Variants in MARCO observed in about 807,000 individuals in gnomAD.
MARCO encodes macrophage receptor with collagenous structure, also known as macrophage receptor MARCO.
A neutral mutation model predicts 70.0 loss-of-function variants in MARCO; 72 were observed. The observed-to-expected ratio is 1.03, with a 90% CI of 0.85 to 1.25. The LOEUF is 1.25. Among genes scored for constraint, MARCO ranks in the 50% most tolerant of loss-of-function variants. The pLI is 0.00. For synonymous variants in MARCO, 273 were observed against 243.1 expected, an observed-to-expected ratio of 1.12 and a Z score of -1.14; for missense variants, 696 against 659.3, an observed-to-expected ratio of 1.06 and a Z score of -0.61.
intron 1 of MARCO, among the ~76,000 whole-genome samples, chr2:118,955,781 G>A (rs1679825272): frequency 6.6e-6 from 1 of 152,112 alleles, no homozygotes. Flanking sequence ...AAGCTAGAAG[G>A]GATTGGGGCC....
intron 12 of MARCO, among the ~76,000 whole-genome samples, chr2:118,987,132 A>G (rs1311101349): frequency 2.0e-5 from 3 of 152,212 alleles, no homozygotes. Flanking sequence ...TTGGGAGAAT[A>G]TTATTTCTGT....
In MARCO at chr2:118,974,411, A is replaced by C; in HGVS notation, c.539A>C (p.Lys180Thr). The C allele has an allele frequency of 6.2e-7, 1 of 1,612,872 alleles. No homozygotes were observed. The highest frequency in any genetic ancestry group is 8.5e-7 in the Non-Finnish European group (1 of 1,179,618). Reference protein sequence around the residue: ...PPGPPAEKGAKGAMGRDGATG... With the variant: ...PPGPPAEKGATGAMGRDGATG... ...GGACCACCTGCTGAGAAGGGAGCCAAGGGGGCTATGGGACGAGATGGAGCA... is the reference window on the plus strand; with the variant it reads ...GGACCACCTGCTGAGAAGGGAGCCACGGGGGCTATGGGACGAGATGGAGCA... The change falls in exon 5 of 17, where the codon AAG (lysine) becomes ACG (threonine). Residue 180 changes from lysine (K) to threonine (T), a missense_variant. Around this residue, in one of 3 missense-constraint regions of MARCO, gnomAD observed 605 missense variants for 537.6 expected, o/e 1.13. Coordinates refer to ENST00000327097, the MANE Select transcript of MARCO (RefSeq NM_006770.4).
intron 16 of MARCO, among the ~76,000 whole-genome samples, chr2:118,993,636 G>T (rs1199479660): frequency 6.6e-6 from 1 of 152,212 alleles, no homozygotes; most frequent in African/African-American, 2.4e-5. Context: ...GCAACTGGAA[G>T]AACAGAGAGA....
intron 1 of MARCO, among the ~76,000 whole-genome samples, chr2:118,956,118 T>C (rs968544468): frequency 2.0e-5 from 3 of 152,180 alleles, no homozygotes; most frequent in Admixed American, 6.5e-5. Context: ...AAAAGCATGA[T>C]GAATGCAATG....
chr2:118,988,686 G>A (rs1255183820), intron 12 of MARCO, among the ~76,000 whole-genome samples: 5 of 152,090 alleles, frequency 3.3e-5, no homozygotes, highest in South Asian at 4.1e-4. Context: ...CCATCTTGGC[G>A]TATGCTGTTC....
intron 1 of MARCO, among the ~76,000 whole-genome samples, chr2:118,947,970 T>C (rs1165044491): frequency 6.6e-6 from 1 of 152,206 alleles, no homozygotes; most frequent in Non-Finnish European, 1.5e-5. Flanking sequence ...TCCATGCACA[T>C]CTCTCCATTT....
chr2:118,943,810 TGGA>T (rs1679547418), intron 1 of MARCO, among the ~76,000 whole-genome samples: 1 of 152,216 alleles, frequency 6.6e-6, no homozygotes, highest in South Asian at 2.1e-4. Flanking sequence ...GGACTGAGGC[TGGA>T]ACCAAAAAAT....
At chr2:118,972,943 GCTCT>G (rs1023734281) in intron 4 of MARCO, among the ~76,000 whole-genome samples, 1 of 151,358 alleles carries the variant, frequency 6.6e-6, no homozygotes, top group East Asian at 1.9e-4. Context: ...GGCTTCTATG[GCTCT>G]CTCTCTCTCT....
chr2:118,993,253 G>T lies in MARCO; in HGVS notation c.1382G>T (p.Arg461Leu). Residue 461 changes from arginine (R) to leucine (L), a missense_variant, in exon 16 of 17, where the codon CGC (arginine) becomes CTC (leucine). Arg to Leu is a moderately radical substitution (Grantham distance 102). Around this residue, in one of 3 missense-constraint regions of MARCO, gnomAD observed 33 missense variants for 59.6 expected, o/e 0.55. Transcript: ENST00000327097. ...WQNSDAIVFC[R>L]MLGYSKGRAL... ...AATTCTGATGCCATTGTCTTCTGCC[G>T]CATGCTGGGTTACTCCAAAGGAAGG... is the stretch of plus-strand genomic sequence containing the variant. The T allele has an allele frequency of 6.2e-7, 1 of 1,614,114 alleles. No individual in the cohort carries two copies. The highest frequency in any genetic ancestry group is 2.2e-5 in the East Asian group (1 of 44,868).
chr2:118,963,301 T>A (rs1679983476), intron 1 of MARCO, among the ~76,000 whole-genome samples: 1 of 147,576 alleles, frequency 6.8e-6, no homozygotes, highest in African/African-American at 2.6e-5. Flanking sequence ...TTCATTTCCT[T>A]TCATTTGTAT....
At position 118,970,142 on chromosome 2, in the gene MARCO, C is replaced by T. The variant is rs771102391; in HGVS notation, c.228C>T (p.Val76=). The T allele has an allele frequency of 3.1e-6, 5 of 1,614,128 alleles. No individual in the cohort carries two copies. In the South Asian group the frequency reaches 4.4e-5, roughly 14 times the overall value. Residue 76 remains valine (V), a synonymous_variant, in exon 3 of 17, where the codon GTC becomes GTT. Transcript: ENST00000327097. Reference sequence around the variant, plus strand: ...TGAATCTGCAGGCGCGGCTCCGGGTCCTGGAGATGTATTTCCTCAATGACA... The same window carrying T: ...TGAATCTGCAGGCGCGGCTCCGGGTTCTGGAGATGTATTTCCTCAATGACA... ...QVLNLQARLR[V]LEMYFLNDTL... is the part of the protein sequence containing the mutation.
At chr2:118,992,582 A>C in intron 15 of MARCO, 106 bp downstream of exon 15, 1 of 1,013,240 alleles carries the variant, frequency 9.9e-7, no homozygotes, top group Non-Finnish European at 1.5e-6. Flanking sequence ...TAAATTTCTC[A>C]TTTTGGGGAG....
intron 8 of MARCO, among the ~76,000 whole-genome samples, chr2:118,978,847 G>A (rs1680336568): frequency 6.6e-6 from 1 of 152,106 alleles, no homozygotes; most frequent in South Asian, 2.1e-4. Context: ...AATAGTAATA[G>A]TATTAGTAAT....
intron 1 of MARCO, among the ~76,000 whole-genome samples, chr2:118,967,658 C>T (rs143116749): frequency 1.3e-5 from 2 of 152,112 alleles, no homozygotes; most frequent in African/African-American, 2.4e-5. Context: ...CAGAGCTACC[C>T]CTAGACCATT....
chr2:118,981,745 T>A (rs1680396697), intron 10 of MARCO, 89 bp downstream of exon 10: 6 of 1,316,712 alleles, frequency 4.6e-6, no homozygotes, highest in Non-Finnish European at 5.4e-6. Context: ...ATCTTTTGCT[T>A]CATTGTAGTA....
chr2:118,982,478 G>C (rs1455956107), intron 12 of MARCO, 68 bp downstream of exon 12: 1 of 1,471,984 alleles, frequency 6.8e-7, no homozygotes, highest in Middle Eastern at 1.7e-4. Context: ...GAGAAAAACT[G>C]CTTCTTCTTA....
chr2:118,960,877 A>G (rs1180317806), intron 1 of MARCO, among the ~76,000 whole-genome samples: 2 of 151,992 alleles, frequency 1.3e-5, no homozygotes, highest in East Asian at 3.9e-4. Flanking sequence ...TATTATTCCT[A>G]ATGCTCTCCC....
chr2:118,975,053 A>G (rs1414858714), intron 6 of MARCO, among the ~76,000 whole-genome samples: 1 of 152,192 alleles, frequency 6.6e-6, no homozygotes, highest in Non-Finnish European at 1.5e-5. Flanking sequence ...GATTAGAGAC[A>G]ATGACACAAA....
intron 2 of MARCO, 116 bp from the exon 3 acceptor site, chr2:118,969,998 G>T: frequency 1.1e-6 from 1 of 888,354 alleles, no homozygotes; most frequent in Non-Finnish European, 1.8e-6. Context: ...GACAGCACAT[G>T]GAATTTGTGT....
Sources: allele counts gnomAD v4.1 joint callset (sites outside exome capture counted in the v4.1 genomes callset), GRCh38; gene constraint gnomAD v4.1.1; regional missense constraint gnomAD v4.1.1; transcripts MANE v1.5; gene names NCBI Gene and HGNC (gene_info 2026-07-23, HGNC 2026-07-21).